The following PTPRN2 variants were observed in gnomAD, a reference collection of about 807,000 sequenced individuals.
PTPRN2 encodes the protein protein tyrosine phosphatase receptor type N2, also known as receptor-type tyrosine-protein phosphatase N2.
A neutral mutation model predicts 118.8 loss-of-function variants in PTPRN2; 74 were observed. The ratio of observed to expected loss-of-function variants is 0.62; its 90% CI spans 0.52 to 0.76. The LOEUF is 0.76. PTPRN2 is among the 30% of genes least tolerant of loss of function. PTPRN2 has a pLI of 0.00. For synonymous variants in PTPRN2, 641 were observed against 608.0 expected (o/e 1.05, Z -0.80); for missense variants, 1,481 against 1,394.4 (o/e 1.06, Z -0.99).
chr7:158,261,144 T>A (rs1797371205), intron 3 of PTPRN2, among the ~76,000 whole-genome samples: 3 of 152,078 alleles, frequency 2.0e-5, no homozygotes, highest in Admixed American at 6.6e-5. Flanking sequence ...CCGAGCTCTT[T>A]CCCAGCGCAC....
At chr7:158,440,940 GGTGATGATGGTGAT>G (rs1817002879) in intron 2 of PTPRN2, among the ~76,000 whole-genome samples, 1 of 148,168 alleles carries the variant, frequency 6.7e-6, no homozygotes, top group Non-Finnish European at 1.5e-5. Flanking sequence ...TGATGGTGGT[GGTGATGATGGTGAT>G]GGGGTAGTAG....
intron 16 of PTPRN2, among the ~76,000 whole-genome samples, chr7:157,601,296 T>A (rs2150576755): frequency 6.6e-6 from 1 of 152,316 alleles, no homozygotes; most frequent in East Asian, 1.9e-4. Context: ...TTATCATAGT[T>A]TTATCCTGCA....
At chr7:158,534,173 C>T (rs1360521626) in intron 1 of PTPRN2, among the ~76,000 whole-genome samples, 2 of 99,162 alleles carry the variant, frequency 2.0e-5, no homozygotes, top group Non-Finnish European at 4.3e-5. Flanking sequence ...CCCCGGGCTC[C>T]GTCAGGGATG....
chr7:157,867,868 C>T (rs542479911), intron 12 of PTPRN2, among the ~76,000 whole-genome samples: 7 of 152,276 alleles, frequency 4.6e-5, no homozygotes, highest in South Asian at 2.1e-4. Flanking sequence ...ATCCACAGTC[C>T]GTGAGCAAAG....
chr7:157,772,327 A>AGACT, intron 12 of PTPRN2, among the ~76,000 whole-genome samples: 1 of 151,898 alleles, frequency 6.6e-6, no homozygotes, highest in East Asian at 1.9e-4. Context: ...ACACAGACAC[A>AGACT]CACATACACA....
chr7:157,610,573 T>TGGCCGTCAGCAAG lies in PTPRN2; in HGVS notation c.2345-6511_2345-6499dup, dbSNP rs1364041489. 1.2e-4 allele frequency among the ~76,000 whole-genome samples: 19 copies of TGGCCGTCAGCAAG among 152,318 alleles called. 1 individual carries two copies. Among genetic ancestry groups the TGGCCGTCAGCAAG allele is most frequent in the South Asian group, 6.2e-4 (3 of 4,824 alleles). On this transcript the variant is annotated intron_variant, in intron 15 of 22. Coordinates refer to ENST00000389418, the MANE Select transcript of PTPRN2 (RefSeq NM_002847.5). The surrounding 1 kb of genome is among the most constrained non-coding windows in gnomAD (Gnocchi z 5.1). ...CTGCAAAGGCACATCCCGGGGCTGC[T>TGGCCGTCAGCAAG]GGCCGTCAGCAAGGGCCGTCAGTGC...
intron 2 of PTPRN2, among the ~76,000 whole-genome samples, chr7:158,395,661 C>A (rs1460225819): frequency 1.3e-5 from 1 of 75,220 alleles, no homozygotes; most frequent in African/African-American, 6.2e-5. Context: ...GGGAGAGGGG[C>A]GAGGGGCGAG....
chr7:158,111,038 G>T, intron 9 of PTPRN2, 123 bp from the exon 10 acceptor site: 1 of 810,344 alleles, frequency 1.2e-6, no homozygotes, highest in East Asian at 2.7e-5. Context: ...TCCTGGCCTG[G>T]GGTCAGCTGC....
chr7:158,201,792 T>C (rs1826666981), intron 4 of PTPRN2, among the ~76,000 whole-genome samples: 1 of 152,206 alleles, frequency 6.6e-6, no homozygotes, highest in South Asian at 2.1e-4. Flanking sequence ...TGAATTCACC[T>C]ATAGCCTGGA....
At chr7:158,053,731 G>A (rs1809508656) in intron 11 of PTPRN2, among the ~76,000 whole-genome samples, 1 of 151,234 alleles carries the variant, frequency 6.6e-6, no homozygotes, top group Non-Finnish European at 1.5e-5. Context: ...CAGAGATGCA[G>A]AGACCCTAGA....
intron 3 of PTPRN2, among the ~76,000 whole-genome samples, chr7:158,250,342 AG>A (rs1181677285): frequency 6.6e-6 from 1 of 152,138 alleles, no homozygotes; most frequent in African/African-American, 2.4e-5. Context: ...TAATGCATAT[AG>A]GTTATTTATT....
At chr7:158,355,013 G>A (rs868282458) in intron 2 of PTPRN2, among the ~76,000 whole-genome samples, 4 of 104,952 alleles carry the variant, frequency 3.8e-5, no homozygotes, top group East Asian at 2.6e-4. Flanking sequence ...TGATACTTTC[G>A]GAGTCTTGAA....
At chr7:158,002,399 G>A (rs1250850265) in intron 11 of PTPRN2, among the ~76,000 whole-genome samples, 2 of 152,180 alleles carry the variant, frequency 1.3e-5, no homozygotes, top group Non-Finnish European at 2.9e-5. Context: ...CCAGTTTCAC[G>A]GTGAGGGGAA....
intron 19 of PTPRN2, chr7:157,574,483 T>C (rs1309108293): frequency 2.1e-6 from 1 of 479,166 alleles, no homozygotes; most frequent in Non-Finnish European, 4.5e-6. Flanking sequence ...TGAGCACCAT[T>C]GCACACAGCA....
chr7:157,985,628 C>A (rs997766580), intron 11 of PTPRN2, among the ~76,000 whole-genome samples: 1 of 152,156 alleles, frequency 6.6e-6, no homozygotes, highest in African/African-American at 2.4e-5. Flanking sequence ...AAGATTCAGG[C>A]CCCCCTCAGA....
At chr7:157,920,051 A>ATC (rs1017031669) in intron 11 of PTPRN2, among the ~76,000 whole-genome samples, 6 of 152,306 alleles carry the variant, frequency 3.9e-5, no homozygotes, top group African/African-American at 1.4e-4. Flanking sequence ...AGGCTGTAGC[A>ATC]TCTACAGGTT....
chr7:157,672,865 G>A (rs567047449), intron 13 of PTPRN2, among the ~76,000 whole-genome samples: 36 of 152,236 alleles, frequency 2.4e-4, no homozygotes, highest in South Asian at 1.0e-3. Context: ...TAATGTAATC[G>A]TCTGCGAATC....
chr7:157,717,595 G>A (rs1247061450), intron 12 of PTPRN2, among the ~76,000 whole-genome samples: 2 of 152,176 alleles, frequency 1.3e-5, no homozygotes, highest in East Asian at 1.9e-4. Flanking sequence ...CATGGAAATC[G>A]CTCCCTTGCG....
intron 2 of PTPRN2, among the ~76,000 whole-genome samples, chr7:158,456,633 C>G (rs760345965): frequency 1.3e-5 from 2 of 152,296 alleles, no homozygotes; most frequent in Non-Finnish European, 2.9e-5. Flanking sequence ...CATGGCCACC[C>G]ATCACTCTGC....
Sources: gnomAD v4.1 joint callset for allele counts (sites outside exome capture counted in the v4.1 genomes callset) on GRCh38, gnomAD v4.1.1 for gene constraint, Gnocchi (gnomAD v3.1) non-coding constraint, MANE v1.5 for transcripts, NCBI Gene and HGNC (gene_info 2026-07-23, HGNC 2026-07-21) for gene names.